Variants in SAMD3 observed in about 807,000 individuals in gnomAD.
The protein encoded by SAMD3 is sterile alpha motif domain-containing protein 3.
In SAMD3, 63 loss-of-function variants were observed where a neutral mutation model predicts 58.5. The observed-to-expected ratio is 1.08, with a 90% CI of 0.88 to 1.33. SAMD3 has a LOEUF of 1.33. Among genes scored for constraint, SAMD3 ranks in the 40% most tolerant of loss-of-function variants. SAMD3 has a pLI of 0.00. For synonymous variants in SAMD3, 220 were observed against 210.3 expected, an observed-to-expected ratio of 1.05 and a Z score of -0.40; for missense variants, 604 against 608.4, an observed-to-expected ratio of 0.99 and a Z score of 0.08.
intron 5 of SAMD3, among the ~76,000 whole-genome samples, chr6:130,203,955 C>G (rs1010989690): frequency 6.6e-6 from 1 of 152,008 alleles, no homozygotes; most frequent in Non-Finnish European, 1.5e-5. Flanking sequence ...AACAACGCAT[C>G]AAATATGTTG....
chr6:130,308,131 C>T lies in SAMD3; in HGVS notation c.-188+4847G>A, dbSNP rs1461952118. The stretch of plus-strand genomic sequence containing the variant: ...TCTGAACAAACAAGCTTTTGTTTGA[C>T]CTTTACTTTATTTGTTTGGGTTTGT... On this transcript the variant is annotated intron_variant, in intron 2 of 13. Coordinates refer to the SAMD3 transcript ENST00000368134. Among the ~76,000 whole-genome samples, 3 of 152,006 alleles carry T rather than the reference C, an allele frequency of 2.0e-5. No individual in the cohort carries two copies. The East Asian group carries it at 5.8e-4, about 29-fold the overall frequency.
At position 130,146,201 on chromosome 6, in the gene SAMD3, A is replaced by G. The variant is rs1311580656; in HGVS notation, c.1024-20T>C. On this transcript the variant is annotated intron_variant, in intron 9 of 11. Coordinates refer to ENST00000439090, the MANE Select transcript of SAMD3 (RefSeq NM_001017373.4). ...GAACATCTGACAAAAGAAGAAAGCAATGGATACATCAGATCACAAGAAAAG... is the reference window on the plus strand; with the variant it reads ...GAACATCTGACAAAAGAAGAAAGCAGTGGATACATCAGATCACAAGAAAAG... 6 of 1,523,434 alleles carry G rather than the reference A, an allele frequency of 3.9e-6. No homozygotes were observed. The African/African-American group carries it at 5.6e-5, about 14-fold the overall frequency. The allele number at this position is 1,523,434 out of a possible 1,614,324, so 94.4% of individuals were successfully genotyped here. A position where few individuals can be genotyped will look rare whatever the true frequency, so the allele number is the denominator to read the frequency against.
At chr6:130,191,707 A>T (rs1437061951) in intron 5 of SAMD3, among the ~76,000 whole-genome samples, 1 of 150,834 alleles carries the variant, frequency 6.6e-6, no homozygotes, top group Non-Finnish European at 1.5e-5. Flanking sequence ...ATTTAAAGGA[A>T]TTTTTTCATT....
chr6:130,188,054 T>A (rs924658526), intron 5 of SAMD3, among the ~76,000 whole-genome samples: 12 of 152,248 alleles, frequency 7.9e-5, no homozygotes, highest in African/African-American at 2.7e-4. Flanking sequence ...CATTTGATAC[T>A]TGGCCATATC....
chr6:130,298,190 C>T (rs1337787582), intron 2 of SAMD3, among the ~76,000 whole-genome samples: 1 of 152,162 alleles, frequency 6.6e-6, no homozygotes. Context: ...GACTTCTCAG[C>T]AGAAACATTA....
intron 2 of SAMD3, among the ~76,000 whole-genome samples, chr6:130,295,936 A>G (rs1163420935): frequency 6.6e-6 from 1 of 152,202 alleles, no homozygotes; most frequent in African/African-American, 2.4e-5. Flanking sequence ...GGAGACTGCA[A>G]TATGGGAAAC....
intron 1 of SAMD3, among the ~76,000 whole-genome samples, chr6:130,350,505 C>G (rs1374193198): frequency 6.6e-6 from 1 of 152,066 alleles, no homozygotes; most frequent in Non-Finnish European, 1.5e-5. Flanking sequence ...CCTAGGAATC[C>G]AACTTACAAG....
intron 2 of SAMD3, among the ~76,000 whole-genome samples, chr6:130,233,558 G>A (rs1400326816): frequency 6.6e-6 from 1 of 152,206 alleles, no homozygotes; most frequent in Non-Finnish European, 1.5e-5. Context: ...AAAATGTCAA[G>A]CATCTGGTTG....
intron 2 of SAMD3, among the ~76,000 whole-genome samples, chr6:130,278,327 A>T (rs1238235640): frequency 6.6e-6 from 1 of 152,106 alleles, no homozygotes. Flanking sequence ...ATACTTGGGG[A>T]GTCTGATTTG....
chr6:130,247,321 T>C (rs1375303187), intron 2 of SAMD3, among the ~76,000 whole-genome samples: 3 of 151,848 alleles, frequency 2.0e-5, no homozygotes, highest in Non-Finnish European at 4.4e-5. Context: ...AATACAAAAC[T>C]TAGCGAAGTA....
chr6:130,182,306 T>G (rs1217928255), intron 7 of SAMD3, among the ~76,000 whole-genome samples: 6 of 152,156 alleles, frequency 3.9e-5, no homozygotes, highest in African/African-American at 1.4e-4. Flanking sequence ...GTAGTGCACT[T>G]TATATGCAGC....
intron 1 of SAMD3, among the ~76,000 whole-genome samples, chr6:130,353,198 G>T (rs1777731944): frequency 6.6e-6 from 1 of 152,136 alleles, no homozygotes; most frequent in Non-Finnish European, 1.5e-5. Flanking sequence ...GAATGATTTG[G>T]TCCATAATAA....
intron 8 of SAMD3, among the ~76,000 whole-genome samples, chr6:130,167,903 A>T (rs1303610675): frequency 6.6e-6 from 1 of 152,252 alleles, no homozygotes; most frequent in African/African-American, 2.4e-5. Context: ...ACATGATGAT[A>T]CGTCTTGCTA....
At chr6:130,152,313 A>C (rs1425869701) in intron 9 of SAMD3, among the ~76,000 whole-genome samples, 1 of 152,156 alleles carries the variant, frequency 6.6e-6, no homozygotes, top group Non-Finnish European at 1.5e-5. Context: ...ATAAATTGGA[A>C]ATCCCAGCTG....
At chr6:130,365,517 A>T, upstream of SAMD3, 1 of 985,172 alleles carries the variant, frequency 1.0e-6, no homozygotes. Context: ...AAAGCGTCCG[A>T]GGGGCGTGGA....
At chr6:130,164,958 C>T (rs1196399945) in intron 8 of SAMD3, among the ~76,000 whole-genome samples, 1 of 152,034 alleles carries the variant, frequency 6.6e-6, no homozygotes, top group Non-Finnish European at 1.5e-5. Flanking sequence ...CTTATATACA[C>T]CTAACAACAG....
chr6:130,189,068 A>G (rs376635835), intron 5 of SAMD3, among the ~76,000 whole-genome samples: 1 of 150,946 alleles, frequency 6.6e-6, no homozygotes, highest in Non-Finnish European at 1.5e-5. Context: ...CTCATACTCA[A>G]CAAATCCAAA....
chr6:130,152,230 T>C (rs567408567), intron 9 of SAMD3, among the ~76,000 whole-genome samples: 7 of 152,318 alleles, frequency 4.6e-5, no homozygotes, highest in African/African-American at 1.7e-4. Flanking sequence ...ACTGTCCTCT[T>C]ACGGGATCAT....
chr6:130,144,678 G>A lies in SAMD3; in HGVS notation c.1405C>T (p.Leu469=). 6.2e-7 allele frequency: 1 copy of A among 1,614,140 alleles called. No homozygotes were observed. The highest frequency in any genetic ancestry group is 8.5e-7 in the Non-Finnish European group (1 of 1,180,004). The part of the protein sequence containing the change: ...VDDCVTALAA[L]VAAFHVFRIE... ...CTAAATACATGAAAGGCAGCTACTA[G>A]CGCAGCCAAGGCTGTAACACAGTCG... Residue 469 remains leucine, a synonymous_variant, in exon 12 of 12, where the codon CTA becomes TTA. Coordinates refer to ENST00000439090, the MANE Select transcript of SAMD3 (RefSeq NM_001017373.4).
Sources: allele counts gnomAD v4.1 joint callset (sites outside exome capture counted in the v4.1 genomes callset), GRCh38; gene constraint gnomAD v4.1.1; transcripts MANE v1.5; gene names NCBI Gene and HGNC (gene_info 2026-07-23, HGNC 2026-07-21).